TAOK1: variants seen among roughly 807,000 people sequenced by gnomAD.
The protein encoded by TAOK1 is serine/threonine-protein kinase TAO1.
Under a neutral mutation model 138.3 loss-of-function variants are expected in TAOK1, and 21 were observed. That is an observed-to-expected ratio of 0.15 (90% CI 0.11 to 0.22). The LOEUF (loss-of-function observed/expected upper bound fraction) is 0.22, where lower values mean the gene tolerates loss of function less well. Among genes scored for constraint, TAOK1 ranks in the 10% least tolerant of loss-of-function variants. The pLI, the probability that TAOK1 is intolerant of heterozygous loss-of-function variation, is 1.00. For missense variants in TAOK1, 651 were observed against 1,227.7 expected (o/e 0.53, Z 7.02); for synonymous variants, 361 against 398.4 (o/e 0.91, Z 1.12).
chr17:29,396,324 T>C (rs1904599200), intron 1 of TAOK1, among the ~76,000 whole-genome samples: 1 of 152,164 alleles, frequency 6.6e-6, no homozygotes, highest in African/African-American at 2.4e-5. Context: ...AAGTATCCTA[T>C]AAAAGTTGGA....
intron 1 of TAOK1, among the ~76,000 whole-genome samples, chr17:29,422,539 C>T (rs1355990110): frequency 6.6e-6 from 1 of 152,094 alleles, no homozygotes; most frequent in East Asian, 1.9e-4. Flanking sequence ...GAATGAACTT[C>T]GATAGTTTAT....
chr17:29,438,507 A>G (rs979534756), intron 1 of TAOK1, among the ~76,000 whole-genome samples: 3 of 152,160 alleles, frequency 2.0e-5, no homozygotes, highest in Non-Finnish European at 4.4e-5. Context: ...TAACATGGCA[A>G]AACCTGTTGT....
At chr17:29,419,358 G>A (rs942455388) in intron 1 of TAOK1, among the ~76,000 whole-genome samples, 3 of 151,916 alleles carry the variant, frequency 2.0e-5, no homozygotes, top group East Asian at 1.9e-4. Context: ...CACCACACCC[G>A]ACTAATTTTG....
At chr17:29,409,274 G>T (rs538217725) in intron 1 of TAOK1, among the ~76,000 whole-genome samples, 2 of 142,494 alleles carry the variant, frequency 1.4e-5, no homozygotes, top group African/African-American at 5.3e-5. Flanking sequence ...GAATAAGATT[G>T]CTAGCAATAT....
chr17:29,463,440 A>G (rs1320878248), intron 2 of TAOK1, among the ~76,000 whole-genome samples: 2 of 152,042 alleles, frequency 1.3e-5, no homozygotes, highest in Non-Finnish European at 1.5e-5. Flanking sequence ...GCATGGTGGC[A>G]TGTGCTTGTA....
At chr17:29,403,036 C>G (rs553175618) in intron 1 of TAOK1, among the ~76,000 whole-genome samples, 31 of 151,584 alleles carry the variant, frequency 2.0e-4, no homozygotes, top group African/African-American at 6.8e-4. Context: ...TGGCGGGCAC[C>G]TGCAATCCCA....
In TAOK1 at chr17:29,540,350, TTTTGTTTG is replaced by T. The variant is rs35111957; in HGVS notation, c.2545-2187_2545-2180del. ...CAAACCGTTCAATACTTTTTTCTGT[TTTTGTTTG>T]TTTGTTTGTTTGTTTGTTTGTTTTG... On this transcript the variant is annotated intron_variant, in intron 19 of 19. Coordinates refer to ENST00000261716, the MANE Select transcript of TAOK1 (RefSeq NM_020791.4). Among the ~76,000 whole-genome samples the T allele has an allele frequency of 3.5e-4, 53 of 149,910 alleles. No individual in the cohort carries two copies. In the East Asian group the frequency reaches 4.8e-3, roughly 14 times the overall value.
At chr17:29,404,770 A>T in intron 1 of TAOK1, among the ~76,000 whole-genome samples, 1 of 152,154 alleles carries the variant, frequency 6.6e-6, no homozygotes, top group East Asian at 1.9e-4. Flanking sequence ...AGCTTGGGCA[A>T]CAGTGAGACC....
At chr17:29,420,734 C>CTG (rs1905412198) in intron 1 of TAOK1, among the ~76,000 whole-genome samples, 2 of 151,636 alleles carry the variant, frequency 1.3e-5, no homozygotes, top group Non-Finnish European at 2.9e-5. Flanking sequence ...TACAGGCATG[C>CTG]GCCAGCATGC....
intron 15 of TAOK1, chr17:29,514,598 G>T (rs1433731778): frequency 6.6e-6 from 1 of 152,104 alleles, no homozygotes; most frequent in East Asian, 1.9e-4. Context: ...CTGGGCTCAA[G>T]CAATCCTCCG....
At chr17:29,393,252 T>A (rs896514206) in intron 1 of TAOK1, among the ~76,000 whole-genome samples, 1 of 152,140 alleles carries the variant, frequency 6.6e-6, no homozygotes, top group African/African-American at 2.4e-5. Context: ...AGTGACTGCT[T>A]TTACCTTGGG....
chr17:29,538,435 T>C (rs2032261058), intron 19 of TAOK1, among the ~76,000 whole-genome samples: 1 of 152,194 alleles, frequency 6.6e-6, no homozygotes, highest in African/African-American at 2.4e-5. Context: ...TTACTTGGTT[T>C]TTATGGCTAA....
intron 3 of TAOK1, among the ~76,000 whole-genome samples, chr17:29,468,736 G>C (rs1263209792): frequency 6.6e-6 from 1 of 150,984 alleles, no homozygotes; most frequent in Non-Finnish European, 1.5e-5. Context: ...TTTAGTAGAG[G>C]TGGGATTTCA....
intron 19 of TAOK1, among the ~76,000 whole-genome samples, chr17:29,541,012 C>T (rs375042497): frequency 2.0e-5 from 3 of 149,858 alleles, no homozygotes; most frequent in Non-Finnish European, 4.5e-5. Flanking sequence ...GGCCTTGATA[C>T]ATTTTTTATT....
At chr17:29,495,508 C>T in intron 10 of TAOK1, 52 bp from the exon 11 acceptor site, 3 of 1,475,764 alleles carry the variant, frequency 2.0e-6, no homozygotes, top group Middle Eastern at 1.8e-4. Flanking sequence ...AGAAGGAGTA[C>T]CTTGTCACTA....
chr17:29,453,217 T>C (rs2030287670), intron 2 of TAOK1, among the ~76,000 whole-genome samples: 1 of 149,366 alleles, frequency 6.7e-6, no homozygotes, highest in Admixed American at 6.8e-5. Flanking sequence ...TGGAGTGCAA[T>C]GGCACGATCT....
intron 1 of TAOK1, among the ~76,000 whole-genome samples, chr17:29,450,820 C>T (rs180872048): frequency 1.3e-3 from 195 of 152,236 alleles, no homozygotes; most frequent in Non-Finnish European, 1.9e-3. Flanking sequence ...CTGGCTATGA[C>T]AGCCAGTATT....
At chr17:29,473,633 C>T (rs972149727) in intron 3 of TAOK1, among the ~76,000 whole-genome samples, 1 of 151,836 alleles carries the variant, frequency 6.6e-6, no homozygotes, top group African/African-American at 2.4e-5. Flanking sequence ...AATGTAGCCA[C>T]CTTCATCAAT....
chr17:29,419,464 G>C (rs1439613301), intron 1 of TAOK1, among the ~76,000 whole-genome samples: 1 of 151,618 alleles, frequency 6.6e-6, no homozygotes, highest in Non-Finnish European at 1.5e-5. Flanking sequence ...CCAAAGTGCT[G>C]GGAATGTGAG....
Sources: gnomAD v4.1 joint callset for allele counts (sites outside exome capture counted in the v4.1 genomes callset) on GRCh38, gnomAD v4.1.1 for gene constraint, MANE v1.5 for transcripts, NCBI Gene and HGNC (gene_info 2026-07-23, HGNC 2026-07-21) for gene names.